The following CLVS1 variants were observed in gnomAD, a reference collection of about 807,000 sequenced individuals.
CLVS1 encodes clavesin-1.
A neutral mutation model predicts 33.1 loss-of-function variants in CLVS1; 10 were observed. The observed-to-expected ratio is 0.30, with a 90% CI of 0.19 to 0.51. The LOEUF (loss-of-function observed/expected upper bound fraction) is 0.51, where lower values mean the gene tolerates loss of function less well. CLVS1 is among the 20% of genes least tolerant of loss of function. The pLI, the probability that CLVS1 is intolerant of heterozygous loss-of-function variation, is 0.97. For synonymous variants in CLVS1, 163 were observed against 166.1 expected (o/e 0.98, Z 0.14); for missense variants, 343 against 433.4 (o/e 0.79, Z 1.85).
chr8:61,411,366 T>C (rs1396228118), intron 3 of CLVS1, among the ~76,000 whole-genome samples: 1 of 152,052 alleles, frequency 6.6e-6, no homozygotes, highest in East Asian at 1.9e-4. Context: ...CTAGAGAAAT[T>C]AACACAGAAG....
chr8:61,023,531 G>C, the CLVS1 span, among the ~76,000 whole-genome samples: 2 of 152,190 alleles, frequency 1.3e-5, no homozygotes, highest in Non-Finnish European at 2.9e-5. Flanking sequence ...TGATTTCGGG[G>C]CTTTAAAAAT....
chr8:61,069,855 A>G (rs1229198652), intron 1 of CLVS1, among the ~76,000 whole-genome samples: 1 of 151,830 alleles, frequency 6.6e-6, no homozygotes, highest in Admixed American at 6.6e-5. Context: ...CAGTGGCGCG[A>G]TCTTGGCTTA....
At chr8:61,144,929 C>A (rs1451357927) in intron 2 of CLVS1, among the ~76,000 whole-genome samples, 1 of 152,168 alleles carries the variant, frequency 6.6e-6, no homozygotes, top group African/African-American at 2.4e-5. Flanking sequence ...CAGGGTTTCA[C>A]CATGTTGGTC....
chr8:61,418,937 C>T lies in CLVS1; in HGVS notation c.631-35204C>T, dbSNP rs374644825. Among the ~76,000 whole-genome samples, 157 of 152,242 alleles carry T rather than the reference C, an allele frequency of 1.0e-3. 2 individuals are homozygous for T. The South Asian group carries it at 0.029, about 29-fold the overall frequency. ...GAGGACCCAGGGGCTGGGGAAGAAG[C>T]GTGCCAGGAACACATTGTCCATGTT... On this transcript the variant is annotated intron_variant, in intron 3 of 5. Coordinates refer to ENST00000325897, the MANE Select transcript of CLVS1 (RefSeq NM_173519.3).
chr8:61,286,795 AG>A (rs1346278226), upstream of CLVS1, among the ~76,000 whole-genome samples: 3 of 152,252 alleles, frequency 2.0e-5, no homozygotes, highest in Non-Finnish European at 4.4e-5. Context: ...AGCAAATACA[AG>A]TAAGAAAATC....
At chr8:61,161,529 A>G (rs1192434499) in intron 2 of CLVS1, among the ~76,000 whole-genome samples, 5 of 152,226 alleles carry the variant, frequency 3.3e-5, no homozygotes, top group African/African-American at 1.2e-4. Flanking sequence ...ATTTTATGCT[A>G]AGTAAAATGA....
In CLVS1 at chr8:61,079,237, T is replaced by C. The variant is rs574056972; in HGVS notation, c.-243+22007T>C. Among the ~76,000 whole-genome samples the C allele has an allele frequency of 3.3e-5, 5 of 152,334 alleles. No individual in the cohort carries two copies. In the South Asian group the frequency reaches 1.0e-3, roughly 32 times the overall value. On this transcript the variant is annotated intron_variant, in intron 1 of 2. Coordinates refer to the CLVS1 transcript ENST00000522621. The stretch of plus-strand genomic sequence containing the variant: ...CAAAACCTTTTGTTTTTACTCTTTA[T>C]GTTTTATTCCCTCTTCAGGGGAGGG...
intron 2 of CLVS1, among the ~76,000 whole-genome samples, chr8:61,326,068 A>G (rs1488113106): frequency 1.3e-5 from 2 of 152,112 alleles, no homozygotes; most frequent in African/African-American, 4.8e-5. Context: ...TCCCCAGCCC[A>G]TAGAGATTTC....
chr8:61,471,451 T>C (rs74867060), intron 5 of CLVS1, among the ~76,000 whole-genome samples: 11,357 of 152,294 alleles, frequency 0.075, 489 homozygotes, highest in Non-Finnish European at 0.099. Context: ...GTAATGATTA[T>C]GCATGGTGGC....
chr8:61,254,881 G>A (rs1372171424), intron 2 of CLVS1, among the ~76,000 whole-genome samples: 1 of 152,160 alleles, frequency 6.6e-6, no homozygotes, highest in Non-Finnish European at 1.5e-5. Context: ...GTGAGGTGAT[G>A]CCTCAGCCTC....
At chr8:61,115,312 G>A in intron 1 of CLVS1, among the ~76,000 whole-genome samples, 1 of 151,342 alleles carries the variant, frequency 6.6e-6, no homozygotes. Context: ...AAATAGTAAG[G>A]ATTTAAAAAA....
intron 2 of CLVS1, among the ~76,000 whole-genome samples, chr8:61,314,611 A>G (rs189300796): frequency 1.4e-4 from 21 of 152,340 alleles, no homozygotes; most frequent in Non-Finnish European, 4.4e-5. Context: ...TACTTTCTTC[A>G]TGACGCATGG....
chr8:61,239,524 A>G (rs775567594), intron 2 of CLVS1, among the ~76,000 whole-genome samples: 3 of 152,104 alleles, frequency 2.0e-5, no homozygotes, highest in Non-Finnish European at 4.4e-5. Context: ...CTTGAGCCCA[A>G]GAATTCGAGA....
chr8:61,127,850 C>G (rs1400493567), intron 1 of CLVS1, among the ~76,000 whole-genome samples: 3 of 152,166 alleles, frequency 2.0e-5, no homozygotes, highest in African/African-American at 7.2e-5. Flanking sequence ...ACAAATACTA[C>G]TAGCATTCTA....
chr8:61,320,793 T>C (rs1811168044), intron 2 of CLVS1, among the ~76,000 whole-genome samples: 1 of 152,164 alleles, frequency 6.6e-6, no homozygotes, highest in African/African-American at 2.4e-5. Context: ...CACCTTCTAA[T>C]TCCATCACCT....
intron 1 of CLVS1, among the ~76,000 whole-genome samples, chr8:61,057,627 A>G (rs1259735776): frequency 6.6e-6 from 1 of 151,976 alleles, no homozygotes; most frequent in Non-Finnish European, 1.5e-5. Context: ...TGAGCCAGTC[A>G]GAAGAAAAAA....
chr8:61,035,051 TA>T, the CLVS1 span, among the ~76,000 whole-genome samples: 1 of 152,218 alleles, frequency 6.6e-6, no homozygotes, highest in East Asian at 1.9e-4. Context: ...ATTCAAAAAT[TA>T]GCTTATCATA....
chr8:61,316,915 G>A lies in CLVS1; in HGVS notation c.455+16633G>A, dbSNP rs75472609. Among the ~76,000 whole-genome samples the A allele has an allele frequency of 3.5e-3, 533 of 152,152 alleles. 4 individuals carry two copies. Among genetic ancestry groups the A allele is most frequent in the African/African-American group, 0.012 (493 of 41,498 alleles). The stretch of plus-strand genomic sequence containing the variant: ...AAAGATAATAGTATCTACCTCTAAG[G>A]GTTGTATTGAGAATTAAAGGAGCTA... On this transcript the variant is annotated intron_variant, in intron 2 of 5. Transcript: ENST00000325897.
intron 2 of CLVS1, among the ~76,000 whole-genome samples, chr8:61,213,839 C>T (rs556238204): frequency 7.6e-4 from 115 of 152,290 alleles, no homozygotes; most frequent in African/African-American, 2.6e-3. Flanking sequence ...ACTCTGACCA[C>T]CGGTGAGCCG....
Sources: gnomAD v4.1 joint callset for allele counts (sites outside exome capture counted in the v4.1 genomes callset) on GRCh38, gnomAD v4.1.1 for gene constraint, MANE v1.5 for transcripts, NCBI Gene and HGNC (gene_info 2026-07-23, HGNC 2026-07-21) for gene names.